Variants in FBXW4 observed in about 807,000 individuals in gnomAD.
The protein encoded by FBXW4 is F-box/WD repeat-containing protein 4.
In FBXW4, 40 loss-of-function variants were observed where a neutral mutation model predicts 61.8. That is an observed-to-expected ratio of 0.65 (90% CI 0.50 to 0.84). The LOEUF (loss-of-function observed/expected upper bound fraction) is 0.84, where lower values mean the gene tolerates loss of function less well. Among genes scored for constraint, FBXW4 ranks in the 40% least tolerant of loss-of-function variants. The probability of loss-of-function intolerance (pLI) is 0.00; values close to 1 mark genes in which losing one functional copy is unlikely to be tolerated. For missense variants in FBXW4, 672 were observed against 753.8 expected, an observed-to-expected ratio of 0.89 and a Z score of 1.27; for synonymous variants, 311 against 313.8, an observed-to-expected ratio of 0.99 and a Z score of 0.10.
chr10:101,694,532 G>A lies in FBXW4; in HGVS notation c.574C>T (p.Leu192=). The A allele has an allele frequency of 1.3e-6, 2 of 1,499,368 alleles. No homozygotes were observed. The highest frequency in any genetic ancestry group is 1.8e-6 in the Non-Finnish European group (2 of 1,132,946). The allele number at this position is 1,499,368 out of a possible 1,614,324, so 92.9% of individuals were successfully genotyped here. A position where few individuals can be genotyped will look rare whatever the true frequency, so the allele number is the denominator to read the frequency against. The change falls in exon 1 of 9, where the codon CTG becomes TTG. Residue 192 remains leucine, a synonymous_variant. Transcript: ENST00000331272. This position sits in a 1 kb window ranked among gnomAD's most constrained non-coding sequence, Gnocchi z 6.0. ...ALWRLPEELL[L]LICSYLDMRA... is the part of the protein sequence containing the mutation. ...ATGTCCAGGTAGGAGCAGATGAGCA[G>A]CAGCAGCTCCTCCGGCAGGCGCCAG...
intron 6 of FBXW4, among the ~76,000 whole-genome samples, chr10:101,618,485 G>A (rs1564902432): frequency 1.3e-5 from 2 of 152,220 alleles, no homozygotes; most frequent in African/African-American, 4.8e-5. Context: ...GGATGGGTGA[G>A]AAGCCTATTC....
intron 5 of FBXW4, among the ~76,000 whole-genome samples, chr10:101,649,357 G>T: frequency 6.6e-6 from 1 of 152,056 alleles, no homozygotes; most frequent in Non-Finnish European, 1.5e-5. Flanking sequence ...AACCATCTCT[G>T]ACATGCCCCA....
chr10:101,630,368 C>G (rs1389357137), intron 5 of FBXW4, among the ~76,000 whole-genome samples: 1 of 152,188 alleles, frequency 6.6e-6, no homozygotes, highest in Non-Finnish European at 1.5e-5. Context: ...GATATTATAG[C>G]AGCAAAGGTC....
intron 5 of FBXW4, among the ~76,000 whole-genome samples, chr10:101,654,119 T>A (rs1007415379): frequency 8.5e-6 from 1 of 118,294 alleles, no homozygotes; most frequent in African/African-American, 3.2e-5. Flanking sequence ...GACTCCGTCT[T>A]AAAAAAAAAA....
At position 101,614,602 on chromosome 10, in the gene FBXW4, GCA is replaced by G. The variant is rs531236854; in HGVS notation, c.1302-2127_1302-2126del. Reference sequence around the variant, plus strand: ...AGTCCTGAGAGCCCCTGCTCTGCCCGCACAGCCTGGCAGGGGCTGAGAAGTTT... The same window carrying G: ...AGTCCTGAGAGCCCCTGCTCTGCCCGCAGCCTGGCAGGGGCTGAGAAGTTT... On this transcript the variant is annotated intron_variant, in intron 6 of 8. Transcript: ENST00000331272. 3.0e-4 allele frequency among the ~76,000 whole-genome samples: 46 copies of G among 152,344 alleles called. No homozygotes were observed. In the East Asian group the frequency reaches 7.9e-3, roughly 26 times the overall value.
intron 5 of FBXW4, among the ~76,000 whole-genome samples, chr10:101,647,681 T>C (rs1296421555): frequency 6.6e-6 from 1 of 152,218 alleles, no homozygotes; most frequent in African/African-American, 2.4e-5. Context: ...CTAAGCCACT[T>C]GGGATGGGAT....
intron 1 of FBXW4, among the ~76,000 whole-genome samples, chr10:101,690,781 G>A (rs1376967258): frequency 6.6e-6 from 1 of 152,218 alleles, no homozygotes; most frequent in Non-Finnish European, 1.5e-5. Flanking sequence ...AGGTTCTGCT[G>A]TCATGTTTCC....
At chr10:101,646,063 C>G (rs1273322689) in intron 5 of FBXW4, among the ~76,000 whole-genome samples, 1 of 152,186 alleles carries the variant, frequency 6.6e-6, no homozygotes, top group Non-Finnish European at 1.5e-5. Flanking sequence ...GCTAATCACT[C>G]TTGTCATTAT....
chr10:101,631,717 T>G (rs2063959075), intron 5 of FBXW4, among the ~76,000 whole-genome samples: 1 of 151,794 alleles, frequency 6.6e-6, no homozygotes, highest in East Asian at 1.9e-4. Context: ...AACTTCCGTC[T>G]CCCAGGTTCA....
chr10:101,681,491 G>A (rs1051395029), intron 1 of FBXW4, among the ~76,000 whole-genome samples: 5 of 150,918 alleles, frequency 3.3e-5, no homozygotes, highest in African/African-American at 1.2e-4. Context: ...GCCGAGGCAG[G>A]CGGATCACGA....
At chr10:101,622,080 A>C (rs2063870732) in intron 6 of FBXW4, among the ~76,000 whole-genome samples, 1 of 152,100 alleles carries the variant, frequency 6.6e-6, no homozygotes, top group Admixed American at 6.5e-5. Flanking sequence ...GAAGGAAAAA[A>C]ACCATGATTC....
chr10:101,637,699 CAAAAAAAAAAAAAAA>C (rs34463792), intron 5 of FBXW4, among the ~76,000 whole-genome samples: 1 of 82,054 alleles, frequency 1.2e-5, no homozygotes, highest in Admixed American at 1.4e-4. Context: ...GATCCTGTCT[CAAAAAAAAAAAAAAA>C]AAAAAAAAGG....
In FBXW4 at chr10:101,631,629, CTT is replaced by C. The variant is rs11286397; in HGVS notation, c.1236-6821_1236-6820del. 4.7e-3 allele frequency among the ~76,000 whole-genome samples: 655 copies of C among 138,792 alleles called. 3 individuals are homozygous for C. The highest frequency in any genetic ancestry group is 0.015 in the African/African-American group (584 of 37,722). 91.1% of individuals were successfully genotyped at this position (138,792 alleles called of 152,430 possible). ...TTTAAAGGGAAAAACACATTATTTACTTTTTTTTTTTTTTTTGAGACAGAGTC... is the reference window on the plus strand; with the variant it reads ...TTTAAAGGGAAAAACACATTATTTACTTTTTTTTTTTTTTGAGACAGAGTC... On this transcript the variant is annotated intron_variant, in intron 5 of 8. Transcript: ENST00000331272.
Position 101,611,095 on chromosome 10 carries a change from TG to T in FBXW4, c.*195del. On this transcript the variant is annotated 3_prime_UTR_variant, in exon 9 of 9. Coordinates refer to ENST00000331272, the MANE Select transcript of FBXW4 (RefSeq NM_022039.4). The surrounding 1 kb of genome is among the most constrained non-coding windows in gnomAD (Gnocchi z 4.9). ...AGGTCCTGCCTCTCCAACAGGTTCC[TG>T]GGAGGGACTGCATCTCTGGTAAGCT... 1.6e-6 allele frequency: 1 copy of T among 621,112 alleles called. No individual in the cohort carries two copies. The highest frequency in any genetic ancestry group is 2.7e-6 in the Non-Finnish European group (1 of 374,030). The allele number at this position is 621,112 out of a possible 1,614,324, so 38.5% of individuals were successfully genotyped here. A position where few individuals can be genotyped will look rare whatever the true frequency, so the allele number is the denominator to read the frequency against.
At chr10:101,640,455 A>ATTTTC (rs2064040758) in intron 5 of FBXW4, among the ~76,000 whole-genome samples, 2 of 118,428 alleles carry the variant, frequency 1.7e-5, no homozygotes, top group East Asian at 2.5e-4. Context: ...AAACCCTTCC[A>ATTTTC]TTTTCTTTTC....
Position 101,633,906 on chromosome 10 carries a change from T to C in FBXW4, c.1236-9096A>G, listed in dbSNP as rs976099281. ...GGGGTGGATCACCCAAGTTCAGGAG[T>C]TCAGCCTGGTCCAACATGGTGAAAC... On this transcript the variant is annotated intron_variant, in intron 5 of 8. Transcript: ENST00000331272. Among the ~76,000 whole-genome samples, 17 of 151,878 alleles carry C rather than the reference T, an allele frequency of 1.1e-4. 1 individual carries two copies. In the East Asian group the frequency reaches 3.1e-3, roughly 28 times the overall value.
intron 5 of FBXW4, among the ~76,000 whole-genome samples, chr10:101,644,630 C>G (rs2064081019): frequency 6.6e-6 from 1 of 152,180 alleles, no homozygotes; most frequent in African/African-American, 2.4e-5. Flanking sequence ...TCATGGGCAA[C>G]TCAGTCAGGA....
intron 5 of FBXW4, among the ~76,000 whole-genome samples, chr10:101,643,878 A>G (rs1382766457): frequency 2.6e-5 from 4 of 152,192 alleles, no homozygotes; most frequent in African/African-American, 9.6e-5. Flanking sequence ...ATTTCTAATA[A>G]GCAGTTTCTC....
chr10:101,656,920 C>G (rs757777028), intron 5 of FBXW4, among the ~76,000 whole-genome samples: 4 of 152,178 alleles, frequency 2.6e-5, no homozygotes, highest in East Asian at 1.9e-4. Context: ...ACCTGTCCCC[C>G]CTACACTTTT....
Sources: gnomAD v4.1 joint callset for allele counts (sites outside exome capture counted in the v4.1 genomes callset) on GRCh38, gnomAD v4.1.1 for gene constraint, Gnocchi (gnomAD v3.1) non-coding constraint, MANE v1.5 for transcripts, NCBI Gene and HGNC (gene_info 2026-07-23, HGNC 2026-07-21) for gene names.